GALNT13: variants seen among roughly 807,000 people sequenced by gnomAD.
GALNT13 encodes the protein UDP-GalNAc:polypeptide N-acetylgalactosaminyltransferase 13.
Under a neutral mutation model 64.2 loss-of-function variants are expected in GALNT13, and 28 were observed. The observed-to-expected ratio is 0.44, with a 90% confidence interval of 0.32 to 0.60. The LOEUF (loss-of-function observed/expected upper bound fraction) is 0.60. Ranked by LOEUF, GALNT13 falls within the 20% of genes least tolerant of loss-of-function variation. GALNT13 has a pLI of 0.05. For synonymous variants in GALNT13, 214 were observed against 224.6 expected (o/e 0.95, Z 0.42); for missense variants, 577 against 669.8 (o/e 0.86, Z 1.53).
the GALNT13 span, among the ~76,000 whole-genome samples, chr2:153,310,806 C>A: frequency 2.0e-5 from 3 of 152,030 alleles, no homozygotes; most frequent in Non-Finnish European, 4.4e-5. Context: ...CTGCATTGCC[C>A]AAGGATCAGC....
At chr2:154,001,044 G>T (rs537226244) in intron 3 of GALNT13, among the ~76,000 whole-genome samples, 8 of 151,864 alleles carry the variant, frequency 5.3e-5, no homozygotes, top group East Asian at 3.9e-4. Context: ...TTATATAATG[G>T]CTTAAGTTTG....
chr2:154,235,222 C>T (rs1689130840), intron 4 of GALNT13, among the ~76,000 whole-genome samples: 1 of 152,130 alleles, frequency 6.6e-6, no homozygotes. Context: ...AGTACGGCAT[C>T]TCCCTGGATT....
At chr2:153,821,544 AAC>A in the GALNT13 span, among the ~76,000 whole-genome samples, 3 of 152,214 alleles carry the variant, frequency 2.0e-5, no homozygotes, top group Admixed American at 1.3e-4. Context: ...AGTTAAAGAA[AAC>A]AGAGACACAG....
At chr2:153,458,211 C>T in the GALNT13 span, among the ~76,000 whole-genome samples, 4 of 151,926 alleles carry the variant, frequency 2.6e-5, no homozygotes, top group Admixed American at 2.6e-4. Context: ...ATTCCACTCT[C>T]AAATCCTTGC....
chr2:154,291,795 C>T (rs1692655508), intron 8 of GALNT13, among the ~76,000 whole-genome samples: 2 of 152,392 alleles, frequency 1.3e-5, no homozygotes, highest in Non-Finnish European at 2.9e-5. Flanking sequence ...CAAGAGCGGA[C>T]GCTGAGGCCG....
chr2:153,526,916 CAG>C, the GALNT13 span, among the ~76,000 whole-genome samples: 2 of 152,062 alleles, frequency 1.3e-5, no homozygotes, highest in Non-Finnish European at 2.9e-5. Flanking sequence ...GAAGAAGCAT[CAG>C]AGTCTTTTAT....
the GALNT13 span, among the ~76,000 whole-genome samples, chr2:153,719,721 T>A: frequency 0.033 from 5,031 of 151,754 alleles, 117 homozygotes; most frequent in Non-Finnish European, 0.049. Context: ...GAAAATCGGG[T>A]CACTCCCACC....
At chr2:153,633,720 G>A in the GALNT13 span, among the ~76,000 whole-genome samples, 6 of 152,086 alleles carry the variant, frequency 3.9e-5, no homozygotes, top group African/African-American at 9.7e-5. Context: ...TCTTCTTAGC[G>A]TATTTTCAGA....
intron 3 of GALNT13, among the ~76,000 whole-genome samples, chr2:154,013,566 G>A (rs890101584): frequency 1.3e-5 from 2 of 152,134 alleles, no homozygotes; most frequent in African/African-American, 2.4e-5. Flanking sequence ...CGGGCACACC[G>A]GTGTACACTG....
At chr2:154,401,239 C>T (rs1328722994) in intron 10 of GALNT13, among the ~76,000 whole-genome samples, 1 of 152,066 alleles carries the variant, frequency 6.6e-6, no homozygotes, top group African/African-American at 2.4e-5. Context: ...AGCTGCTAGG[C>T]TGCAGAGATT....
At chr2:154,427,407 T>C (rs921346595) in intron 11 of GALNT13, among the ~76,000 whole-genome samples, 4 of 152,134 alleles carry the variant, frequency 2.6e-5, no homozygotes, top group African/African-American at 4.8e-5. Flanking sequence ...AACTGAAGAA[T>C]GTATGAAGAC....
At chr2:153,166,670 T>TGTGTGA in the GALNT13 span, among the ~76,000 whole-genome samples, 3 of 143,350 alleles carry the variant, frequency 2.1e-5, no homozygotes, top group Non-Finnish European at 3.0e-5. Context: ...TGTGTGTGTG[T>TGTGTGA]GATGGGACTG....
At chr2:153,786,380 C>T in the GALNT13 span, among the ~76,000 whole-genome samples, 11 of 152,094 alleles carry the variant, frequency 7.2e-5, no homozygotes, top group Admixed American at 3.3e-4. Context: ...AGTTGGGACT[C>T]CTGGCTCATG....
At chr2:153,407,738 C>G in the GALNT13 span, among the ~76,000 whole-genome samples, 8 of 152,128 alleles carry the variant, frequency 5.3e-5, no homozygotes, top group African/African-American at 1.9e-4. Context: ...TAAGTGATGT[C>G]AACTTTAATT....
At chr2:153,770,501 C>T in the GALNT13 span, among the ~76,000 whole-genome samples, 10 of 152,310 alleles carry the variant, frequency 6.6e-5, no homozygotes, top group East Asian at 5.8e-4. Context: ...CCCAGTGCTA[C>T]GCACTGGTGT....
At chr2:154,435,504 G>C (rs570079017) in intron 11 of GALNT13, among the ~76,000 whole-genome samples, 3 of 152,286 alleles carry the variant, frequency 2.0e-5, no homozygotes, top group African/African-American at 7.2e-5. Flanking sequence ...ATGAGATTTG[G>C]AGATTGTCCC....
At chr2:153,084,949 A>G in the GALNT13 span, among the ~76,000 whole-genome samples, 69 of 152,204 alleles carry the variant, frequency 4.5e-4, 1 homozygote, top group Non-Finnish European at 9.3e-4. Context: ...GGAAAATGTG[A>G]GAATGTTTGG....
chr2:153,303,150 TATTA>T, the GALNT13 span, among the ~76,000 whole-genome samples: 1 of 152,210 alleles, frequency 6.6e-6, no homozygotes, highest in African/African-American at 2.4e-5. Flanking sequence ...ATTTTTACAA[TATTA>T]ATTCTGGAAA....
the GALNT13 span, among the ~76,000 whole-genome samples, chr2:153,810,082 T>C: frequency 0.34 from 51,413 of 151,998 alleles, 9,184 homozygotes; most frequent in Middle Eastern, 0.5. Context: ...TGCCTCAGCC[T>C]CTCGAGTAGC....
Sources: allele counts gnomAD v4.1 joint callset (sites outside exome capture counted in the v4.1 genomes callset), GRCh38; gene constraint gnomAD v4.1.1; transcripts MANE v1.5; gene names NCBI Gene and HGNC (gene_info 2026-07-23, HGNC 2026-07-21).